FER: variants seen among roughly 807,000 people sequenced by gnomAD.
The protein encoded by FER is FER tyrosine kinase, also known as tyrosine-protein kinase Fer.
Under a neutral mutation model 111.0 loss-of-function variants are expected in FER, and 63 were observed. The observed-to-expected ratio is 0.57, with a 90% CI of 0.46 to 0.70. FER has a LOEUF of 0.70. FER is among the 30% of genes least tolerant of loss of function. The pLI is 0.00. For synonymous variants in FER, 327 were observed against 313.9 expected (o/e 1.04, Z -0.44); for missense variants, 914 against 954.0 (o/e 0.96, Z 0.55).
At position 109,100,586 on chromosome 5, in the gene FER, G is replaced by C; in HGVS notation, c.2048+67G>C. ...AGAATGCTGGAAAACTGATGTATTT[G>C]CTACAATAGAAGTCATTTTCTTTCA... On this transcript the variant is annotated intron_variant, in intron 17 of 19. Transcript: ENST00000281092. The C allele has an allele frequency of 2.1e-6, 3 of 1,456,760 alleles. No homozygotes were observed. In the South Asian group the frequency reaches 3.8e-5, roughly 18 times the overall value. The allele number at this position is 1,456,760 out of a possible 1,614,324, so 90.2% of individuals were successfully genotyped here. A position where few individuals can be genotyped will look rare whatever the true frequency, so the allele number is the denominator to read the frequency against.
chr5:108,960,824 G>A (rs1759048622), intron 13 of FER, among the ~76,000 whole-genome samples: 1 of 152,076 alleles, frequency 6.6e-6, no homozygotes, highest in African/African-American at 2.4e-5. Context: ...CAAATACCCA[G>A]CTTCTCAAGT....
At chr5:108,858,630 A>G (rs1169029052) in intron 5 of FER, among the ~76,000 whole-genome samples, 2 of 152,114 alleles carry the variant, frequency 1.3e-5, no homozygotes, top group Non-Finnish European at 2.9e-5. Flanking sequence ...TCAAAACCAT[A>G]TAGGGAACTC....
intron 17 of FER, among the ~76,000 whole-genome samples, chr5:109,166,004 GT>G (rs1431041493): frequency 2.6e-5 from 4 of 152,108 alleles, no homozygotes; most frequent in Admixed American, 1.3e-4. Flanking sequence ...GTCTATCAGG[GT>G]TGGTTGGGAA....
At chr5:109,169,654 G>A (rs1489336101) in intron 17 of FER, among the ~76,000 whole-genome samples, 1 of 152,084 alleles carries the variant, frequency 6.6e-6, no homozygotes, top group African/African-American at 2.4e-5. Flanking sequence ...CAGAATACTG[G>A]TGCTACAATA....
At chr5:109,068,472 G>A (rs532798730) in intron 16 of FER, among the ~76,000 whole-genome samples, 1 of 152,236 alleles carries the variant, frequency 6.6e-6, no homozygotes, top group East Asian at 1.9e-4. Context: ...GTGAGCCACC[G>A]TGCCCGTTGC....
intron 17 of FER, among the ~76,000 whole-genome samples, chr5:109,111,970 T>C (rs1402720637): frequency 1.3e-5 from 2 of 152,218 alleles, no homozygotes; most frequent in African/African-American, 4.8e-5. Flanking sequence ...TTACTTCTTA[T>C]GGACACATAT....
intron 17 of FER, among the ~76,000 whole-genome samples, chr5:109,113,407 A>T (rs964328747): frequency 2.6e-5 from 4 of 152,174 alleles, no homozygotes; most frequent in African/African-American, 9.7e-5. Context: ...GAAGCAAAGG[A>T]AACAGGATAT....
chr5:108,867,770 AG>A lies in FER; in HGVS notation c.487del (p.Glu163LysfsTer14). The A allele has an allele frequency of 6.3e-7, 1 of 1,597,066 alleles. No homozygotes were observed. Among genetic ancestry groups the A allele is most frequent in the East Asian group, 2.2e-5 (1 of 44,724 alleles). On this transcript the variant is annotated frameshift_variant, in exon 6 of 20. Coordinates refer to ENST00000281092, the MANE Select transcript of FER (RefSeq NM_005246.4). LOFTEE classifies it high-confidence loss of function. ...EKYKEALAKG[K>X]ETEKAKERYD... is the part of the protein sequence containing the mutation. ...CTTCAGTTTTTTTTTTTTTCAGGGA[AG>A]GAAACTGAAAAGGCCAAGGAACGAT... is the stretch of plus-strand genomic sequence containing the variant.
chr5:109,013,249 T>G (rs1366615669), intron 13 of FER, among the ~76,000 whole-genome samples: 3 of 100,794 alleles, frequency 3.0e-5, no homozygotes, highest in Non-Finnish European at 5.5e-5. Flanking sequence ...CCCACAACAG[T>G]CCCCGAAGTG....
chr5:108,774,808 G>A (rs1753311870), intron 2 of FER, among the ~76,000 whole-genome samples: 1 of 151,718 alleles, frequency 6.6e-6, no homozygotes, highest in South Asian at 2.1e-4. Flanking sequence ...TGTCACATGG[G>A]TAGATTGCAA....
At chr5:108,986,191 A>C (rs1046137692) in intron 13 of FER, among the ~76,000 whole-genome samples, 1 of 151,888 alleles carries the variant, frequency 6.6e-6, no homozygotes, top group African/African-American at 2.4e-5. Context: ...ATCATTAATG[A>C]TGTTGAGCAT....
At chr5:109,118,803 A>C (rs1214712799) in intron 17 of FER, among the ~76,000 whole-genome samples, 2 of 151,950 alleles carry the variant, frequency 1.3e-5, no homozygotes. Flanking sequence ...AGAGGTGTTT[A>C]TAGTATTCTC....
intron 8 of FER, among the ~76,000 whole-genome samples, chr5:108,881,340 AG>A (rs1185920202): frequency 6.6e-6 from 1 of 152,164 alleles, no homozygotes; most frequent in African/African-American, 2.4e-5. Context: ...GGATGGCAGC[AG>A]GCAAAGAGAG....
At chr5:109,183,599 TCTCA>T (rs1167904471) in intron 18 of FER, among the ~76,000 whole-genome samples, 1 of 152,132 alleles carries the variant, frequency 6.6e-6, no homozygotes, top group African/African-American at 2.4e-5. Flanking sequence ...TTCACTCTTG[TCTCA>T]CTCAGAATAG....
intron 9 of FER, among the ~76,000 whole-genome samples, chr5:108,893,401 G>T (rs1748494962): frequency 6.6e-6 from 1 of 150,746 alleles, no homozygotes; most frequent in Admixed American, 6.6e-5. Context: ...GATCTCAAAG[G>T]TTTTCTTCTT....
chr5:108,984,440 G>A (rs1762347625), intron 13 of FER, among the ~76,000 whole-genome samples: 2 of 152,064 alleles, frequency 1.3e-5, no homozygotes, highest in Non-Finnish European at 2.9e-5. Context: ...AAGCTGAAGA[G>A]TATAAGATTT....
At chr5:108,953,526 T>C (rs915058496) in intron 11 of FER, among the ~76,000 whole-genome samples, 3 of 152,060 alleles carry the variant, frequency 2.0e-5, no homozygotes, top group Admixed American at 6.6e-5. Context: ...TATTGTTGTT[T>C]TGTTTTGTTC....
At chr5:108,770,309 TAA>T (rs1460230246) in intron 2 of FER, among the ~76,000 whole-genome samples, 1 of 152,194 alleles carries the variant, frequency 6.6e-6, no homozygotes, top group East Asian at 1.9e-4. Flanking sequence ...TTTCTGGAAG[TAA>T]AAATAATTGG....
intron 5 of FER, among the ~76,000 whole-genome samples, chr5:108,855,641 T>G (rs1762938901): frequency 6.8e-6 from 1 of 147,178 alleles, no homozygotes; most frequent in African/African-American, 2.5e-5. Flanking sequence ...AAAGGAAAAC[T>G]AAGTGAATGT....
Sources: gnomAD v4.1 joint callset for allele counts (sites outside exome capture counted in the v4.1 genomes callset) on GRCh38, gnomAD v4.1.1 for gene constraint, MANE v1.5 for transcripts, NCBI Gene and HGNC (gene_info 2026-07-23, HGNC 2026-07-21) for gene names.